The following SRPK2 variants were observed in gnomAD, a reference collection of about 807,000 sequenced individuals.
The protein encoded by SRPK2 is SFRS protein kinase 2.
Under a neutral mutation model 90.8 loss-of-function variants are expected in SRPK2, and 21 were observed. The observed-to-expected ratio is 0.23, with a 90% CI of 0.16 to 0.33. The LOEUF (loss-of-function observed/expected upper bound fraction) is 0.33, where lower values mean the gene tolerates loss of function less well. Ranked by LOEUF, SRPK2 falls within the 10% of genes least tolerant of loss-of-function variation. The pLI is 1.00. For missense variants in SRPK2, 620 were observed against 869.0 expected (o/e 0.71, Z 3.60); for synonymous variants, 288 against 311.1 (o/e 0.93, Z 0.78).
chr7:105,397,648 A>AT (rs893333987), intron 1 of SRPK2, among the ~76,000 whole-genome samples: 37 of 137,388 alleles, frequency 2.7e-4, no homozygotes, highest in East Asian at 1.1e-3. Flanking sequence ...TTTTAAAGTA[A>AT]TTTTTTTTTT....
At chr7:105,136,136 T>A (rs1410656980) in intron 11 of SRPK2, among the ~76,000 whole-genome samples, 1 of 152,214 alleles carries the variant, frequency 6.6e-6, no homozygotes, top group Non-Finnish European at 1.5e-5. Flanking sequence ...TTTGGTGACA[T>A]GCTGTTATCC....
At chr7:105,134,000 T>TA (rs991057075) in intron 11 of SRPK2, among the ~76,000 whole-genome samples, 5 of 152,262 alleles carry the variant, frequency 3.3e-5, no homozygotes, top group African/African-American at 1.2e-4. Context: ...AAATAGTCCT[T>TA]AAAGTCAGCA....
At chr7:105,345,061 A>G (rs1816295064) in intron 2 of SRPK2, among the ~76,000 whole-genome samples, 1 of 151,892 alleles carries the variant, frequency 6.6e-6, no homozygotes, top group Non-Finnish European at 1.5e-5. Context: ...ACTTGAAACC[A>G]GGAGGCGGAG....
chr7:105,227,743 T>TA (rs1416083200), intron 2 of SRPK2, among the ~76,000 whole-genome samples: 2 of 151,890 alleles, frequency 1.3e-5, no homozygotes, highest in Non-Finnish European at 2.9e-5. Context: ...ATCCAGTAGA[T>TA]ATAAAAACAT....
At chr7:105,157,782 A>AAC (rs1428030256) in intron 7 of SRPK2, among the ~76,000 whole-genome samples, 2 of 152,226 alleles carry the variant, frequency 1.3e-5, no homozygotes, top group African/African-American at 4.8e-5. Context: ...CAGTGAGGAT[A>AAC]ACACACGCAT....
Position 105,259,862 on chromosome 7 carries a change from C to T in SRPK2, c.72-56077G>A, listed in dbSNP as rs182019379. Among the ~76,000 whole-genome samples the T allele has an allele frequency of 3.9e-5, 6 of 152,144 alleles. No homozygotes were observed. In the East Asian group the frequency reaches 7.7e-4, roughly 20 times the overall value. On this transcript the variant is annotated intron_variant, in intron 2 of 15. Coordinates refer to ENST00000393651, the MANE Select transcript of SRPK2 (RefSeq NM_182692.3). ...AGAAAGCTGAAACTGGATCCCTTCC[C>T]TACACCATATACAAAAATTAACTCA...
chr7:105,269,349 A>G (rs553515369), intron 2 of SRPK2, among the ~76,000 whole-genome samples: 97 of 152,332 alleles, frequency 6.4e-4, no homozygotes, highest in African/African-American at 2.3e-3. Context: ...CTTAAGAATG[A>G]AATATTAAAC....
Position 105,383,052 on chromosome 7 carries a change from A to ATTTTTTTTTTTTTTTTTTTT in SRPK2, c.71+5595_71+5596insAAAAAAAAAAAAAAAAAAAA, listed in dbSNP as rs1563315577. 4.7e-5 allele frequency among the ~76,000 whole-genome samples: 5 copies of ATTTTTTTTTTTTTTTTTTTT among 105,276 alleles called. 2 individuals are homozygous for ATTTTTTTTTTTTTTTTTTTT. The highest frequency in any genetic ancestry group is 3.8e-5 in the African/African-American group (1 of 26,488). The allele number at this position is 105,276 out of a possible 152,430, so 69.1% of individuals were successfully genotyped here. On this transcript the variant is annotated intron_variant, in intron 2 of 15. Coordinates refer to ENST00000393651, the MANE Select transcript of SRPK2 (RefSeq NM_182692.3). ...AGTCTGAAATTATTTCAAAAGTAAA[A>ATTTTTTTTTTTTTTTTTTTT]ATTTTTTTTTTTTTTTTTTTTTTTT...
chr7:105,148,737 C>A (rs2129578039), intron 7 of SRPK2, among the ~76,000 whole-genome samples: 1 of 152,294 alleles, frequency 6.6e-6, no homozygotes, highest in Non-Finnish European at 1.5e-5. Flanking sequence ...TAAACAACTG[C>A]TTTGCTGAGA....
chr7:105,337,604 C>T (rs1815260340), intron 2 of SRPK2, among the ~76,000 whole-genome samples: 1 of 151,968 alleles, frequency 6.6e-6, no homozygotes. Context: ...CATGAGCCAC[C>T]ACCACTGGCC....
intron 2 of SRPK2, among the ~76,000 whole-genome samples, chr7:105,330,644 T>C (rs1005502067): frequency 3.3e-5 from 5 of 152,110 alleles, no homozygotes; most frequent in African/African-American, 1.2e-4. Context: ...GTAAGAAGGA[T>C]TCTAAAACTG....
At chr7:105,377,743 A>G (rs2132584260) in intron 2 of SRPK2, among the ~76,000 whole-genome samples, 1 of 152,236 alleles carries the variant, frequency 6.6e-6, no homozygotes, top group East Asian at 1.9e-4. Flanking sequence ...CAAAGTCACC[A>G]TTAATTTTTC....
At chr7:105,278,769 G>A (rs969329493) in intron 2 of SRPK2, among the ~76,000 whole-genome samples, 11 of 151,896 alleles carry the variant, frequency 7.2e-5, no homozygotes, top group Admixed American at 6.6e-4. Context: ...AAGGCGGAAG[G>A]GGAAAGGAGA....
chr7:105,195,279 G>A (rs1794779562), intron 3 of SRPK2, among the ~76,000 whole-genome samples: 1 of 152,186 alleles, frequency 6.6e-6, no homozygotes, highest in African/African-American at 2.4e-5. Context: ...TCAATCTCCT[G>A]ACCTCGTGAT....
At chr7:105,285,167 C>T (rs1807897373) in intron 2 of SRPK2, among the ~76,000 whole-genome samples, 1 of 152,028 alleles carries the variant, frequency 6.6e-6, no homozygotes, top group African/African-American at 2.4e-5. Context: ...AGGAGGATTG[C>T]TTGAGCCCAG....
At chr7:105,332,620 A>G (rs994350197) in intron 2 of SRPK2, among the ~76,000 whole-genome samples, 1 of 151,184 alleles carries the variant, frequency 6.6e-6, no homozygotes, top group Non-Finnish European at 1.5e-5. Context: ...AAAACTTAGC[A>G]AGGTGTGGTG....
At chr7:105,275,262 A>G (rs993858882) in intron 2 of SRPK2, among the ~76,000 whole-genome samples, 8 of 152,144 alleles carry the variant, frequency 5.3e-5, no homozygotes, top group African/African-American at 1.7e-4. Context: ...AGGACATTTC[A>G]ATCTTATTTT....
intron 2 of SRPK2, among the ~76,000 whole-genome samples, chr7:105,229,958 G>A (rs774884090): frequency 3.9e-5 from 6 of 152,168 alleles, no homozygotes; most frequent in Non-Finnish European, 7.3e-5. Context: ...TAATCACACC[G>A]GAAGGTTTCA....
intron 2 of SRPK2, among the ~76,000 whole-genome samples, chr7:105,325,971 C>T (rs1813534567): frequency 6.6e-6 from 1 of 152,204 alleles, no homozygotes; most frequent in South Asian, 2.1e-4. Context: ...TGCTGAGGGG[C>T]CTCGGATAGC....
Sources: gnomAD v4.1 joint callset for allele counts (sites outside exome capture counted in the v4.1 genomes callset) on GRCh38, gnomAD v4.1.1 for gene constraint, MANE v1.5 for transcripts, NCBI Gene and HGNC (gene_info 2026-07-23, HGNC 2026-07-21) for gene names.